ESRRB: variants seen among roughly 807,000 people sequenced by gnomAD.
ESRRB encodes estrogen related receptor beta.
ESRRB carries 16 observed loss-of-function variants against 46.0 expected under a neutral mutation model. That is an observed-to-expected ratio of 0.35 (90% CI 0.24 to 0.53). The LOEUF (loss-of-function observed/expected upper bound fraction) is 0.53, where lower values mean the gene tolerates loss of function less well. Among genes scored for constraint, ESRRB ranks in the 20% least tolerant of loss-of-function variants. The pLI is 0.93. For synonymous variants in ESRRB, 246 were observed against 259.6 expected (o/e 0.95, Z 0.50); for missense variants, 488 against 607.4 (o/e 0.80, Z 2.07).
In ESRRB at chr14:76,498,323, G is replaced by C; in HGVS notation, c.1230G>C (p.Thr410=). 1.2e-6 allele frequency: 2 copies of C among 1,613,064 alleles called. No individual in the cohort carries two copies. The highest frequency in any genetic ancestry group is 1.7e-6 in the Non-Finnish European group (2 of 1,179,788). The change falls in exon 7 of 7, where the codon ACG becomes ACC. Residue 410 remains threonine (T), a synonymous_variant. Coordinates refer to ENST00000644823, the MANE Select transcript of ESRRB (RefSeq NM_001379180.1). ...LSQRHEEPWR[T]GKLLLTLPLL... is the part of the protein sequence containing the mutation. ...AGCGCCATGAGGAGCCCTGGAGGACGGGCAAGCTGCTGCTGACACTGCCGC... is the reference window on the plus strand; with the variant it reads ...AGCGCCATGAGGAGCCCTGGAGGACCGGCAAGCTGCTGCTGACACTGCCGC...
chr14:76,483,701 T>G (rs1282218651), intron 5 of ESRRB, among the ~76,000 whole-genome samples: 2 of 152,226 alleles, frequency 1.3e-5, no homozygotes, highest in Non-Finnish European at 2.9e-5. Flanking sequence ...AGAAACATCC[T>G]TTTATCCTTC....
upstream of ESRRB, among the ~76,000 whole-genome samples, chr14:76,367,975 C>T (rs1358462770): frequency 1.1e-4 from 11 of 103,762 alleles, no homozygotes; most frequent in South Asian, 6.6e-4. Context: ...TTTTTTGAGA[C>T]GGAGTCTCGC....
intron 5 of ESRRB, among the ~76,000 whole-genome samples, chr14:76,486,397 C>T (rs959141750): frequency 4.6e-5 from 7 of 152,184 alleles, no homozygotes; most frequent in African/African-American, 1.7e-4. Flanking sequence ...CCCCATCTGA[C>T]TCAATGAAAT....
intron 1 of ESRRB, among the ~76,000 whole-genome samples, chr14:76,316,450 A>T (rs1883801064): frequency 6.9e-6 from 1 of 145,228 alleles, no homozygotes; most frequent in Non-Finnish European, 1.5e-5. Flanking sequence ...GTAGTAGTAC[A>T]ATTAGTAGTA....
At chr14:76,442,604 T>C (rs749956037) in intron 2 of ESRRB, among the ~76,000 whole-genome samples, 10 of 152,148 alleles carry the variant, frequency 6.6e-5, no homozygotes, top group Non-Finnish European at 1.3e-4. Context: ...TAGCACCTAG[T>C]AAGTGCCAAA....
At chr14:76,369,067 C>G (rs1173276732), upstream of ESRRB, among the ~76,000 whole-genome samples, 1 of 151,308 alleles carries the variant, frequency 6.6e-6, no homozygotes, top group East Asian at 2.0e-4. Flanking sequence ...TGCGGTGGTG[C>G]GTCCCTGTAA....
At chr14:76,382,468 G>T (rs1320321896) in intron 1 of ESRRB, among the ~76,000 whole-genome samples, 4 of 152,234 alleles carry the variant, frequency 2.6e-5, no homozygotes, top group Non-Finnish European at 5.9e-5. Context: ...GGGAGAGAAG[G>T]AAGTCCTGCC....
At chr14:76,371,192 A>T (rs1037285694), upstream of ESRRB, among the ~76,000 whole-genome samples, 2 of 152,116 alleles carry the variant, frequency 1.3e-5, no homozygotes, top group Non-Finnish European at 2.9e-5. Flanking sequence ...TCAGCAGGAG[A>T]CTATTATGAG....
rs1207978720 is a variant in ESRRB at position 76,499,951 on chromosome 14, C to T, written c.*1493C>T. 2 of 1,612,468 alleles carry T rather than the reference C, an allele frequency of 1.2e-6. No individual in the cohort carries two copies. Among genetic ancestry groups the T allele is most frequent in the African/African-American group, 1.3e-5 (1 of 74,912 alleles). On this transcript the variant is annotated 3_prime_UTR_variant, in exon 7 of 7. Transcript: ENST00000644823. ...TGCCCCTTCCAATCAGCTGCCTTCA[C>T]AAGCAGGGATCAGAGCAACTCCCCG... is the stretch of plus-strand genomic sequence containing the variant.
At chr14:76,378,487 C>A (rs917846184) in intron 1 of ESRRB, among the ~76,000 whole-genome samples, 2 of 151,506 alleles carry the variant, frequency 1.3e-5, no homozygotes, top group African/African-American at 2.4e-5. Context: ...GATCCCCAAC[C>A]CTTTCCGGTT....
At chr14:76,329,875 G>T (rs954041106) in intron 1 of ESRRB, among the ~76,000 whole-genome samples, 27 of 152,090 alleles carry the variant, frequency 1.8e-4, no homozygotes, top group Admixed American at 1.8e-3. Context: ...GGATGTGCGG[G>T]GGGGATAATT....
At chr14:76,377,573 T>TTAA (rs1411174348) in intron 1 of ESRRB, among the ~76,000 whole-genome samples, 1 of 152,228 alleles carries the variant, frequency 6.6e-6, no homozygotes, top group Non-Finnish European at 1.5e-5. Flanking sequence ...AACTTTGTGC[T>TTAA]CGTCTTCCTC....
chr14:76,377,248 G>C (rs1025300873), intron 1 of ESRRB, among the ~76,000 whole-genome samples: 6 of 152,238 alleles, frequency 3.9e-5, no homozygotes, highest in Admixed American at 6.5e-5. Flanking sequence ...CTCCAGCCCC[G>C]GGGCAGCGCG....
chr14:76,426,770 C>T (rs180865392), intron 1 of ESRRB, among the ~76,000 whole-genome samples: 74 of 152,236 alleles, frequency 4.9e-4, no homozygotes, highest in Non-Finnish European at 9.9e-4. Context: ...CTGGATCACA[C>T]CTGTAATCCC....
At chr14:76,462,137 C>G (rs1888890578) in intron 2 of ESRRB, among the ~76,000 whole-genome samples, 1 of 152,096 alleles carries the variant, frequency 6.6e-6, no homozygotes, top group African/African-American at 2.4e-5. Context: ...ATGTTGGGGT[C>G]CCAGGCTGGA....
At chr14:76,317,649 C>T (rs1157640737) in intron 1 of ESRRB, among the ~76,000 whole-genome samples, 3 of 152,104 alleles carry the variant, frequency 2.0e-5, no homozygotes, top group Admixed American at 6.5e-5. Flanking sequence ...CGCTTCCGCC[C>T]GCGGGCTCCG....
At chr14:76,381,604 T>A (rs1042506128) in intron 1 of ESRRB, among the ~76,000 whole-genome samples, 2 of 152,216 alleles carry the variant, frequency 1.3e-5, no homozygotes, top group African/African-American at 2.4e-5. Flanking sequence ...TGTGAGTGCA[T>A]GCTGGTCAGT....
At chr14:76,378,345 G>A (rs931503221) in intron 1 of ESRRB, among the ~76,000 whole-genome samples, 6 of 152,194 alleles carry the variant, frequency 3.9e-5, no homozygotes, top group Non-Finnish European at 7.3e-5. Flanking sequence ...CCTGACTGGA[G>A]TTTGAGGAGA....
intron 1 of ESRRB, among the ~76,000 whole-genome samples, chr14:76,359,520 T>C (rs1884438262): frequency 6.6e-6 from 1 of 152,164 alleles, no homozygotes; most frequent in Non-Finnish European, 1.5e-5. Context: ...GTATCCCCAT[T>C]GCCCAGAGAG....
Sources: gnomAD v4.1 joint callset for allele counts (sites outside exome capture counted in the v4.1 genomes callset) on GRCh38, gnomAD v4.1.1 for gene constraint, MANE v1.5 for transcripts, NCBI Gene and HGNC (gene_info 2026-07-23, HGNC 2026-07-21) for gene names.